The following CFAP61 variants were observed in gnomAD, a reference collection of about 807,000 sequenced individuals.
The protein encoded by CFAP61 is cilia and flagella associated protein 61.
CFAP61 carries 107 observed loss-of-function variants against 135.6 expected under a neutral mutation model. The ratio of observed to expected loss-of-function variants is 0.79; its 90% CI spans 0.67 to 0.93. CFAP61 has a LOEUF of 0.93. Among genes scored for constraint, CFAP61 ranks in the 40% least tolerant of loss-of-function variants. The pLI is 0.00. For synonymous variants in CFAP61, 575 were observed against 578.5 expected, an observed-to-expected ratio of 0.99 and a Z score of 0.09; for missense variants, 1,507 against 1,556.2, an observed-to-expected ratio of 0.97 and a Z score of 0.53.
rs116547562 is a variant in CFAP61, at chr20:20,166,488, T to C, written c.1245+52T>C. ...TGATTTTGTAAGCTTAGAGAACTTA[T>C]AGAAAAGTAAAATGCCATAAATTTA... On this transcript the variant is annotated intron_variant, in intron 12 of 26. Transcript: ENST00000245957. The C allele has an allele frequency of 1.0e-3, 1,436 of 1,429,998 alleles. 10 individuals carry two copies. In the African/African-American group the frequency reaches 0.018, roughly 18 times the overall value. 88.6% of individuals were successfully genotyped at this position (1,429,998 alleles called of 1,614,324 possible).
chr20:20,160,084 G>A (rs1366890973), intron 10 of CFAP61, among the ~76,000 whole-genome samples: 2 of 152,228 alleles, frequency 1.3e-5, no homozygotes, highest in Non-Finnish European at 2.9e-5. Flanking sequence ...GCAGGGTCCT[G>A]TGAACCCTGC....
rs1347568553 is a variant in CFAP61, at chr20:20,128,338, C to T, written c.860-14519C>T. 4.6e-5 allele frequency among the ~76,000 whole-genome samples: 7 copies of T among 151,810 alleles called. No homozygotes were observed. The East Asian group carries it at 7.7e-4, about 17-fold the overall frequency. ...AGGCAGGAATGGCCTGCCTGGGAACCCAGCGAGTTCCCAGGGCCTTTCCCA... is the reference window on the plus strand; with the variant it reads ...AGGCAGGAATGGCCTGCCTGGGAACTCAGCGAGTTCCCAGGGCCTTTCCCA... On this transcript the variant is annotated intron_variant, in intron 8 of 26. Coordinates refer to ENST00000245957, the MANE Select transcript of CFAP61 (RefSeq NM_015585.4).
At chr20:20,121,668 T>C (rs974602163) in intron 8 of CFAP61, among the ~76,000 whole-genome samples, 8 of 152,156 alleles carry the variant, frequency 5.3e-5, no homozygotes, top group African/African-American at 1.7e-4. Context: ...CTAATTTTTG[T>C]ATTTTAGTTG....
intron 8 of CFAP61, among the ~76,000 whole-genome samples, chr20:20,134,009 A>G (rs2050735709): frequency 6.6e-6 from 1 of 152,192 alleles, no homozygotes; most frequent in South Asian, 2.1e-4. Flanking sequence ...AGTGCATCCC[A>G]TATACTAGAC....
intron 24 of CFAP61, among the ~76,000 whole-genome samples, chr20:20,292,392 T>A (rs2055053252): frequency 6.6e-6 from 1 of 152,224 alleles, no homozygotes; most frequent in Admixed American, 6.5e-5. Context: ...ATGCAACATT[T>A]TCTTATAATA....
intron 7 of CFAP61, among the ~76,000 whole-genome samples, chr20:20,097,567 G>A (rs969352293): frequency 6.6e-6 from 1 of 152,142 alleles, no homozygotes; most frequent in Non-Finnish European, 1.5e-5. Context: ...TAATGTTTTG[G>A]TACCAATCAG....
At chr20:20,312,656 A>T (rs575052464) in intron 25 of CFAP61, among the ~76,000 whole-genome samples, 3 of 152,332 alleles carry the variant, frequency 2.0e-5, no homozygotes, top group Non-Finnish European at 4.4e-5. Context: ...ATCATAATCA[A>T]ACTACTCAAA....
intron 20 of CFAP61, among the ~76,000 whole-genome samples, chr20:20,258,803 A>C (rs2051890747): frequency 6.6e-6 from 1 of 152,196 alleles, no homozygotes; most frequent in South Asian, 2.1e-4. Context: ...GACACATGGT[A>C]ACAGATGGAA....
intron 20 of CFAP61, among the ~76,000 whole-genome samples, chr20:20,254,523 C>T (rs571268580): frequency 9.9e-5 from 15 of 151,752 alleles, no homozygotes; most frequent in East Asian, 3.9e-4. Flanking sequence ...CTTTTTACAA[C>T]GGAAAAAAAA....
chr20:20,306,496 C>T (rs535171278), intron 25 of CFAP61, among the ~76,000 whole-genome samples: 3 of 152,112 alleles, frequency 2.0e-5, no homozygotes, highest in East Asian at 1.9e-4. Context: ...GGATAGTGCC[C>T]GTCAATGAAT....
chr20:20,308,696 G>C (rs749761584), intron 25 of CFAP61, among the ~76,000 whole-genome samples: 1 of 152,166 alleles, frequency 6.6e-6, no homozygotes, highest in Non-Finnish European at 1.5e-5. Flanking sequence ...CCCAAGTCTT[G>C]ATTTGGGGTT....
intron 8 of CFAP61, among the ~76,000 whole-genome samples, chr20:20,125,765 T>G (rs766650379): frequency 9.0e-4 from 137 of 151,826 alleles, no homozygotes; most frequent in Non-Finnish European, 1.8e-3. Flanking sequence ...ATCCATTGCT[T>G]CTTTGTTGAC....
At chr20:20,057,657 T>C (rs2044471911) in intron 2 of CFAP61, among the ~76,000 whole-genome samples, 1 of 152,238 alleles carries the variant, frequency 6.6e-6, no homozygotes, top group African/African-American at 2.4e-5. Flanking sequence ...TTTTGTTTGT[T>C]TATAGACCTT....
intron 18 of CFAP61, among the ~76,000 whole-genome samples, chr20:20,241,546 T>TGTG (rs2050014742): frequency 6.6e-6 from 1 of 152,230 alleles, no homozygotes; most frequent in Admixed American, 6.5e-5. Context: ...GATAATGCAA[T>TGTG]GTGGTAGTTT....
rs1016041161 is a variant in CFAP61 at position 20,169,452 on chromosome 20, A to G, written c.1377A>G (p.Gly459=). Residue 459 remains glycine (G), a synonymous_variant, in exon 13 of 27, where the codon GGA becomes GGG. Coordinates refer to ENST00000245957, the MANE Select transcript of CFAP61 (RefSeq NM_015585.4). ...EQDLYVFHRA[G]LLKSINIRFA... is the part of the protein sequence containing the mutation. ...ACCTCTACGTCTTCCACCGGGCTGG[A>G]TTGCTCAAGTGAGTAGACACATGTT... 1 of 1,613,050 alleles carries G rather than the reference A, an allele frequency of 6.2e-7. No homozygotes were observed. The highest frequency in any genetic ancestry group is 2.2e-5 in the East Asian group (1 of 44,858).
At chr20:20,125,133 A>T (rs1488262015) in intron 8 of CFAP61, among the ~76,000 whole-genome samples, 1 of 151,518 alleles carries the variant, frequency 6.6e-6, no homozygotes, top group Non-Finnish European at 1.5e-5. Context: ...AATCTTGCTA[A>T]TGGTCTGTCA....
At chr20:20,349,089 T>C (rs552084629) in intron 26 of CFAP61, among the ~76,000 whole-genome samples, 2 of 152,256 alleles carry the variant, frequency 1.3e-5, no homozygotes, top group East Asian at 3.9e-4. Flanking sequence ...TCCTAAAGAA[T>C]CCACAAAATA....
chr20:20,080,048 A>G (rs546273214), intron 6 of CFAP61, among the ~76,000 whole-genome samples: 60 of 152,308 alleles, frequency 3.9e-4, no homozygotes, highest in Non-Finnish European at 6.3e-4. Context: ...CAATTGTTAC[A>G]CTTTTATATT....
chr20:20,223,809 A>G (rs571069141), intron 17 of CFAP61, among the ~76,000 whole-genome samples: 1 of 152,330 alleles, frequency 6.6e-6, no homozygotes, highest in African/African-American at 2.4e-5. Flanking sequence ...AATGTATCTG[A>G]ATCATGACAT....
Sources: gnomAD v4.1 joint callset for allele counts (sites outside exome capture counted in the v4.1 genomes callset) on GRCh38, gnomAD v4.1.1 for gene constraint, MANE v1.5 for transcripts, NCBI Gene and HGNC (gene_info 2026-07-23, HGNC 2026-07-21) for gene names.